Variants in IGSF21 observed in about 807,000 individuals in gnomAD.
The protein encoded by IGSF21 is immunoglobin superfamily member 21, also known as immunoglobulin superfamily member 21.
IGSF21 carries 28 observed loss-of-function variants against 46.8 expected under a neutral mutation model. That is an observed-to-expected ratio of 0.60 (90% CI 0.44 to 0.82). IGSF21 has a LOEUF of 0.82. IGSF21 is among the 40% of genes least tolerant of loss of function. IGSF21 has a pLI of 0.00. For missense variants in IGSF21, 624 were observed against 665.5 expected (o/e 0.94, Z 0.69); for synonymous variants, 284 against 273.6 (o/e 1.04, Z -0.38).
At chr1:18,188,750 C>T (rs1440504967) in intron 1 of IGSF21, among the ~76,000 whole-genome samples, 1 of 152,178 alleles carries the variant, frequency 6.6e-6, no homozygotes, top group Non-Finnish European at 1.5e-5. Flanking sequence ...TTATGGTCCC[C>T]ATATACACAT....
chr1:18,119,445 G>A (rs12047174), intron 1 of IGSF21, among the ~76,000 whole-genome samples: 44,873 of 152,190 alleles, frequency 0.29, 7,581 homozygotes, highest in East Asian at 0.64. Flanking sequence ...AGTGATTGGC[G>A]GCTAGTGATG....
intron 1 of IGSF21, among the ~76,000 whole-genome samples, chr1:18,161,036 C>T (rs1338031674): frequency 6.6e-6 from 1 of 152,144 alleles, no homozygotes; most frequent in Non-Finnish European, 1.5e-5. Context: ...TCTGTTCCTG[C>T]TGGGGCCTGG....
Position 18,232,209 on chromosome 1 carries a change from C to CTTTTTTTTTTTTTTTTTTTTTTTT in IGSF21, c.183+4207_183+4208insTTTTTTTTTTTTTTTTTTTTTTTT, listed in dbSNP as rs55775011. 6.7e-5 allele frequency among the ~76,000 whole-genome samples: 7 copies of CTTTTTTTTTTTTTTTTTTTTTTTT among 105,002 alleles called. 2 individuals carry two copies. The highest frequency in any genetic ancestry group is 9.6e-5 in the Non-Finnish European group (5 of 51,840). The allele number at this position is 105,002 out of a possible 152,430, so 68.9% of individuals were successfully genotyped here. On this transcript the variant is annotated intron_variant, in intron 2 of 9. Coordinates refer to ENST00000251296, the MANE Select transcript of IGSF21 (RefSeq NM_032880.5). ...GCTCATATAGATAAGCTCCAGACAG[C>CTTTTTTTTTTTTTTTTTTTTTTTT]TTTTTTTTGGCTAATAGAGTAGGGG...
At chr1:18,374,904 A>G (rs182883373) in intron 6 of IGSF21, among the ~76,000 whole-genome samples, 1 of 152,152 alleles carries the variant, frequency 6.6e-6, no homozygotes, top group East Asian at 1.9e-4. Context: ...TAGAGTACCA[A>G]ACAAAACCCT....
chr1:18,145,183 C>T (rs1396189971), intron 1 of IGSF21, among the ~76,000 whole-genome samples: 1 of 147,094 alleles, frequency 6.8e-6, no homozygotes, highest in African/African-American at 2.6e-5. Context: ...TGGAGGGAAA[C>T]AGAGAGGAAT....
intron 4 of IGSF21, among the ~76,000 whole-genome samples, chr1:18,341,035 C>T (rs2085832127): frequency 9.6e-6 from 1 of 104,226 alleles, no homozygotes; most frequent in African/African-American, 3.5e-5. Context: ...TCTTCTTCTT[C>T]TTCTTCTTCC....
intron 4 of IGSF21, among the ~76,000 whole-genome samples, chr1:18,342,813 G>A (rs1049541791): frequency 3.3e-5 from 5 of 152,094 alleles, no homozygotes; most frequent in Non-Finnish European, 5.9e-5. Flanking sequence ...TGGATAGATC[G>A]CGTTTTGTTT....
At chr1:18,306,883 C>A (rs1330443179) in intron 3 of IGSF21, among the ~76,000 whole-genome samples, 1 of 152,226 alleles carries the variant, frequency 6.6e-6, no homozygotes, top group African/African-American at 2.4e-5. Context: ...GAGAAACAGG[C>A]AATAGACCAG....
chr1:18,209,454 C>CT (rs973402516), intron 1 of IGSF21, among the ~76,000 whole-genome samples: 11 of 151,728 alleles, frequency 7.2e-5, no homozygotes, highest in African/African-American at 2.4e-4. Flanking sequence ...CTTTTCTTTT[C>CT]TTTCTTTCTT....
chr1:18,110,848 T>A (rs1205664998), intron 1 of IGSF21: 1 of 152,142 alleles, frequency 6.6e-6, no homozygotes, highest in East Asian at 1.9e-4. Context: ...GATGGAGGAG[T>A]GGTCCTTAGC....
rs886200711 is a variant in IGSF21 at position 18,304,379 on chromosome 1, C to T, written c.305+12392C>T. 1.5e-4 allele frequency among the ~76,000 whole-genome samples: 23 copies of T among 152,146 alleles called. 1 individual carries two copies. Among genetic ancestry groups the T allele is most frequent in the African/African-American group, 3.9e-4 (16 of 41,426 alleles). ...TACAAATATGGGAGCCACCAACACA[C>T]GGATGCCACTTAAAGCCACCATCCC... is the stretch of plus-strand genomic sequence containing the variant. On this transcript the variant is annotated intron_variant, in intron 3 of 9. Coordinates refer to ENST00000251296, the MANE Select transcript of IGSF21 (RefSeq NM_032880.5).
At chr1:18,295,607 G>A (rs1332403083) in intron 3 of IGSF21, among the ~76,000 whole-genome samples, 1 of 152,186 alleles carries the variant, frequency 6.6e-6, no homozygotes, top group Non-Finnish European at 1.5e-5. Flanking sequence ...GTGGAGAACT[G>A]AGGGCAGGAA....
rs573217715 is a variant in IGSF21, at chr1:18,326,159, C to A, written c.306-8733C>A. Among the ~76,000 whole-genome samples, 33 of 152,332 alleles carry A rather than the reference C, an allele frequency of 2.2e-4. No homozygotes were observed. The South Asian group carries it at 6.2e-3, about 29-fold the overall frequency. On this transcript the variant is annotated intron_variant, in intron 3 of 9. Transcript: ENST00000251296. Reference sequence around the variant, plus strand: ...CGCCAGTTTTATTAGCTCTGCCTCACGGCTCTGTCCAGGTGGAGCAGGCAT... The same window carrying A: ...CGCCAGTTTTATTAGCTCTGCCTCAAGGCTCTGTCCAGGTGGAGCAGGCAT...
intron 2 of IGSF21, among the ~76,000 whole-genome samples, chr1:18,255,371 T>G (rs1393683233): frequency 6.6e-6 from 1 of 152,112 alleles, no homozygotes; most frequent in Non-Finnish European, 1.5e-5. Flanking sequence ...CATGGTCTTG[T>G]GCAGAGAGAT....
chr1:18,333,265 T>G (rs896300829), intron 3 of IGSF21, among the ~76,000 whole-genome samples: 3 of 152,072 alleles, frequency 2.0e-5, no homozygotes, highest in Non-Finnish European at 4.4e-5. Flanking sequence ...AGAACCCCAG[T>G]CCCTCTAAGT....
chr1:18,278,202 GCA>G lies in IGSF21; in HGVS notation c.184-13663_184-13662del, dbSNP rs1557621150. Reference sequence around the variant, plus strand: ...GAGATATGATAAAGCAAACATGGCTGCATTCATTTATTTATTTATTTATTTAT... The same window carrying G: ...GAGATATGATAAAGCAAACATGGCTGTTCATTTATTTATTTATTTATTTAT... On this transcript the variant is annotated intron_variant, in intron 2 of 9. Transcript: ENST00000251296. Among the ~76,000 whole-genome samples, 13 of 106,130 alleles carry G rather than the reference GCA, an allele frequency of 1.2e-4. No homozygotes were observed. The East Asian group carries it at 2.6e-3, about 21-fold the overall frequency. 69.6% of individuals were successfully genotyped at this position (106,130 alleles called of 152,430 possible).
At chr1:18,284,234 A>G (rs1200214731) in intron 2 of IGSF21, among the ~76,000 whole-genome samples, 1 of 152,180 alleles carries the variant, frequency 6.6e-6, no homozygotes, top group Admixed American at 6.5e-5. Context: ...GGCGCTTTCT[A>G]GGCATACTTT....
At chr1:18,205,819 C>A (rs563297727) in intron 1 of IGSF21, among the ~76,000 whole-genome samples, 1 of 152,298 alleles carries the variant, frequency 6.6e-6, no homozygotes, top group South Asian at 2.1e-4. Context: ...AAAATTCTAC[C>A]TACGGGGTTC....
chr1:18,241,745 C>T lies in IGSF21; in HGVS notation c.183+13735C>T, dbSNP rs541162991. 2.2e-4 allele frequency among the ~76,000 whole-genome samples: 33 copies of T among 152,224 alleles called. No homozygotes were observed. The South Asian group carries it at 3.3e-3, about 15-fold the overall frequency. ...AGCGGTGCGTTCAGGTCAGGTGCTG[C>T]GCTAGGTATGTTACAAAGATCACCT... On this transcript the variant is annotated intron_variant, in intron 2 of 9. Transcript: ENST00000251296.
Sources: allele counts gnomAD v4.1 joint callset (sites outside exome capture counted in the v4.1 genomes callset), GRCh38; gene constraint gnomAD v4.1.1; transcripts MANE v1.5; gene names NCBI Gene and HGNC (gene_info 2026-07-23, HGNC 2026-07-21).